SF1: variants seen among roughly 807,000 people sequenced by gnomAD.
SF1 encodes splicing factor 1, also known as branch point-binding protein.
Under a neutral mutation model 62.5 loss-of-function variants are expected in SF1, and 7 were observed. That is an observed-to-expected ratio of 0.11 (90% CI 0.06 to 0.21). The LOEUF is 0.21. Ranked by LOEUF, SF1 falls within the 10% of genes least tolerant of loss-of-function variation. The pLI is 1.00. For missense variants in SF1, 578 were observed against 884.0 expected (o/e 0.65, Z 4.39); for synonymous variants, 394 against 323.6 (o/e 1.22, Z -2.33).
At chr11:64,767,869 C>T (rs752493158) in intron 9 of SF1, 25 bp from the exon 10 acceptor site, 11 of 1,603,118 alleles carry the variant, frequency 6.9e-6, no homozygotes, top group Middle Eastern at 1.7e-4. Flanking sequence ...TTCCTGCCAA[C>T]GTCCCTGCCT....
chr11:64,765,774 C>T lies in SF1; in HGVS notation c.*44G>A, dbSNP rs745775450. The T allele has an allele frequency of 2.3e-5, 35 of 1,496,284 alleles. 1 individual carries two copies. The South Asian group carries it at 2.9e-4, about 12-fold the overall frequency. 92.7% of individuals were successfully genotyped at this position (1,496,284 alleles called of 1,614,324 possible). A position where few individuals can be genotyped will look rare whatever the true frequency, so the allele number is the denominator to read the frequency against. On this transcript the variant is annotated 3_prime_UTR_variant, in exon 13 of 13. Coordinates refer to ENST00000377390, the MANE Select transcript of SF1 (RefSeq NM_004630.4). Reference sequence around the variant, plus strand: ...TGAGGTTCGGCGTGTTTAAACGAGACCAATTCTCTCTATATATAATATATA... The same window carrying T: ...TGAGGTTCGGCGTGTTTAAACGAGATCAATTCTCTCTATATATAATATATA...
chr11:64,777,872 C>G (rs1452890150), intron 1 of SF1: 4 of 938,420 alleles, frequency 4.3e-6, no homozygotes, highest in Non-Finnish European at 5.1e-6. Context: ...CCGGGCCTCC[C>G]CGTGCGCGCA....
At position 64,778,457 on chromosome 11, in the gene SF1, TC is replaced by T; in HGVS notation, c.-66del. The stretch of plus-strand genomic sequence containing the variant: ...TGCGGCGGCTTCTCCTTCGCAAGCC[TC>T]CCGGGGGGAGGGGACCCGAATGCGC... On this transcript the variant is annotated 5_prime_UTR_variant, in exon 1 of 13. Transcript: ENST00000377390. 1.7e-6 allele frequency: 2 copies of T among 1,203,264 alleles called. No homozygotes were observed. The highest frequency in any genetic ancestry group is 2.1e-6 in the Non-Finnish European group (2 of 969,180). The allele number at this position is 1,203,264 out of a possible 1,614,324, so 74.5% of individuals were successfully genotyped here.
At position 64,770,066 on chromosome 11, in the gene SF1, A is replaced by T. The variant is rs771409356; in HGVS notation, c.390-13T>A. 4.4e-6 allele frequency: 7 copies of T among 1,609,080 alleles called. No homozygotes were observed. Among genetic ancestry groups the T allele is most frequent in the Non-Finnish European group, 6.0e-6 (7 of 1,175,574 alleles). On this transcript the variant is annotated splice_polypyrimidine_tract_variant and intron_variant, in intron 4 of 12. Transcript: ENST00000377390. Reference sequence around the variant, plus strand: ...TGTTGCTGGAGGTCTAAGAAAGAAAAGCCTGTGTCACCGCACATTTCTGGA... The same window carrying T: ...TGTTGCTGGAGGTCTAAGAAAGAAATGCCTGTGTCACCGCACATTTCTGGA...
Position 64,765,442 on chromosome 11 carries a change from T to C in SF1, c.*376A>G, listed in dbSNP as rs1440564003. The C allele has an allele frequency of 4.4e-6, 7 of 1,601,512 alleles. No individual in the cohort carries two copies. On this transcript the variant is annotated 3_prime_UTR_variant, in exon 13 of 13. Coordinates refer to ENST00000377390, the MANE Select transcript of SF1 (RefSeq NM_004630.4). Reference sequence around the variant, plus strand: ...CACCAGGGGCGTTGCTGAGGCTGTCTGCCTGGAAGGGTCACCAATGGGCGC... The same window carrying C: ...CACCAGGGGCGTTGCTGAGGCTGTCCGCCTGGAAGGGTCACCAATGGGCGC...
intron 9 of SF1, 30 bp from the exon 10 acceptor site, chr11:64,767,874 C>A (rs747143260): frequency 1.2e-6 from 2 of 1,602,366 alleles, no homozygotes; most frequent in Non-Finnish European, 1.7e-6. Flanking sequence ...GCCAACGTCC[C>A]TGCCTGCGCC....
intron 10 of SF1, 78 bp from the exon 11 acceptor site, chr11:64,767,329 T>A: frequency 1.4e-6 from 2 of 1,403,534 alleles, no homozygotes; most frequent in South Asian, 2.3e-5. Context: ...TAACCTCAGT[T>A]GCTATCCTTA....
intron 1 of SF1, 179 bp downstream of exon 1, chr11:64,778,162 AGGGGGCGGCGGCGGAGGCGGC>A (rs1939702941): frequency 1.3e-6 from 1 of 747,432 alleles, no homozygotes; most frequent in Non-Finnish European, 1.7e-6. Flanking sequence ...GGGGAGGCGG[AGGGGGCGGCGGCGGAGGCGGC>A]GGAGGCAGCG....
At chr11:64,777,780 GCC>G in intron 1 of SF1, 3 of 445,390 alleles carry the variant, frequency 6.7e-6, no homozygotes, top group Non-Finnish European at 8.5e-6. Context: ...AGCGCCTCCC[GCC>G]CGCCCAGCCC....
At chr11:64,775,484 C>A (rs753385040) in intron 2 of SF1, among the ~76,000 whole-genome samples, 20 of 152,164 alleles carry the variant, frequency 1.3e-4, no homozygotes, top group Non-Finnish European at 1.2e-4. Flanking sequence ...ATTAGTAGTA[C>A]TGTGAAAGGA....
At position 64,765,665 on chromosome 11, in the gene SF1, C is replaced by T; in HGVS notation, c.*153G>A. On this transcript the variant is annotated 3_prime_UTR_variant, in exon 13 of 13. Coordinates refer to ENST00000377390, the MANE Select transcript of SF1 (RefSeq NM_004630.4). ...CCGTTCCCAAGCGAATCCTCAGTCGCTTGGCCCAGCCCAGTGCGTGCACAC... is the reference window on the plus strand; with the variant it reads ...CCGTTCCCAAGCGAATCCTCAGTCGTTTGGCCCAGCCCAGTGCGTGCACAC... The T allele has an allele frequency of 6.8e-7, 1 of 1,479,800 alleles. No individual in the cohort carries two copies. Among genetic ancestry groups the T allele is most frequent in the Non-Finnish European group, 8.9e-7 (1 of 1,121,118 alleles). The allele number at this position is 1,479,800 out of a possible 1,614,324, so 91.7% of individuals were successfully genotyped here. A position where few individuals can be genotyped will look rare whatever the true frequency, so the allele number is the denominator to read the frequency against.
At position 64,769,165 on chromosome 11, in the gene SF1, A is replaced by C. The variant is rs753215625; in HGVS notation, c.780-36T>G. 5 of 1,609,392 alleles carry C rather than the reference A, an allele frequency of 3.1e-6. No homozygotes were observed. In the African/African-American group the frequency reaches 5.3e-5, roughly 17 times the overall value. ...AAAAAGAGGTCAATGCAAGGGAACA[A>C]TCTCTACTTCCATAGGTTCTTCAGG... On this transcript the variant is annotated intron_variant, in intron 7 of 12. Coordinates refer to ENST00000377390, the MANE Select transcript of SF1 (RefSeq NM_004630.4).
intron 1 of SF1, chr11:64,777,465 G>A (rs566079999): frequency 2.2e-5 from 22 of 980,142 alleles, no homozygotes; most frequent in Non-Finnish European, 2.4e-5. Context: ...GACCAAGAAA[G>A]ATCAGACCCA....
intron 3 of SF1, chr11:64,772,657 T>A: frequency 1.0e-6 from 1 of 985,450 alleles, no homozygotes; most frequent in Non-Finnish European, 1.2e-6. Context: ...TCTAATTAAA[T>A]GACCAATTTT....
intron 10 of SF1, 73 bp from the exon 11 acceptor site, chr11:64,767,324 T>TCA (rs780974706): frequency 6.4e-6 from 9 of 1,413,156 alleles, no homozygotes; most frequent in Non-Finnish European, 9.0e-6. Context: ...TGTGATAACC[T>TCA]CAGTTGCTAT....
chr11:64,770,503 G>A lies in SF1; in HGVS notation c.237-95C>T, dbSNP rs372705425. 1.3e-3 allele frequency: 1,753 copies of A among 1,364,062 alleles called. 46 individuals are homozygous for A. In the South Asian group the frequency reaches 0.021, roughly 17 times the overall value. 84.5% of individuals were successfully genotyped at this position (1,364,062 alleles called of 1,614,324 possible). On this transcript the variant is annotated intron_variant, in intron 3 of 12. Coordinates refer to ENST00000377390, the MANE Select transcript of SF1 (RefSeq NM_004630.4). ...TCTTTCCCAGCCCCTCTGCCTCTCA[G>A]ACCCTAATACAACACTCTTCGGAGG...
At chr11:64,766,274 G>A in intron 12 of SF1, 119 bp from the exon 13 acceptor site, 1 of 575,306 alleles carries the variant, frequency 1.7e-6, no homozygotes, top group Non-Finnish European at 3.1e-6. Context: ...CGGTACGGTG[G>A]TGGGGGGCGG....
intron 3 of SF1, among the ~76,000 whole-genome samples, chr11:64,770,953 A>G (rs1283536040): frequency 6.6e-6 from 1 of 152,158 alleles, no homozygotes; most frequent in African/African-American, 2.4e-5. Context: ...ATGGAGAGAG[A>G]TGGTTCGCTT....
chr11:64,770,084 T>C (rs958472241), intron 4 of SF1, 31 bp from the exon 5 acceptor site: 1 of 1,593,566 alleles, frequency 6.3e-7, no homozygotes, highest in African/African-American at 1.3e-5. Flanking sequence ...TCACCGCACA[T>C]TTCTGGAGAA....
Sources: allele counts gnomAD v4.1 joint callset (sites outside exome capture counted in the v4.1 genomes callset), GRCh38; gene constraint gnomAD v4.1.1; transcripts MANE v1.5; gene names NCBI Gene and HGNC (gene_info 2026-07-23, HGNC 2026-07-21).